AKAP12: variants seen among roughly 807,000 people sequenced by gnomAD.
The protein encoded by AKAP12 is A-kinase anchor protein 12.
Under a neutral mutation model 79.9 loss-of-function variants are expected in AKAP12, and 32 were observed. The ratio of observed to expected loss-of-function variants is 0.40; its 90% CI spans 0.30 to 0.54. The LOEUF is 0.54. AKAP12 is among the 20% of genes least tolerant of loss of function. The pLI, the probability that AKAP12 is intolerant of heterozygous loss-of-function variation, is 0.48. For missense variants in AKAP12, 2,074 were observed against 2,177.0 expected, an observed-to-expected ratio of 0.95 and a Z score of 0.94; for synonymous variants, 808 against 857.0, an observed-to-expected ratio of 0.94 and a Z score of 1.00.
intron 3 of AKAP12, chr6:151,324,090 G>T: frequency 1.0e-6 from 1 of 985,348 alleles, no homozygotes; most frequent in Non-Finnish European, 1.2e-6. Context: ...CCAGAAGGAT[G>T]GTCAGTACCA....
intron 2 of AKAP12, among the ~76,000 whole-genome samples, chr6:151,255,738 C>T (rs1000696941): frequency 3.9e-5 from 6 of 152,042 alleles, no homozygotes; most frequent in African/African-American, 9.7e-5. Flanking sequence ...TACAGTGAGT[C>T]GTGGTTGAAC....
intron 2 of AKAP12, among the ~76,000 whole-genome samples, chr6:151,301,811 C>T (rs1159127452): frequency 1.3e-5 from 2 of 152,076 alleles, no homozygotes; most frequent in Admixed American, 6.6e-5. Flanking sequence ...TGTCATAAAT[C>T]GTTTTCTACC....
At chr6:151,310,182 G>A (rs143454003) in intron 3 of AKAP12, among the ~76,000 whole-genome samples, 1 of 152,036 alleles carries the variant, frequency 6.6e-6, no homozygotes, top group Non-Finnish European at 1.5e-5. Context: ...GGCCAACATG[G>A]TGAAACCCCG....
intron 2 of AKAP12, among the ~76,000 whole-genome samples, chr6:151,253,680 G>C (rs572033193): frequency 6.6e-6 from 1 of 151,958 alleles, no homozygotes; most frequent in East Asian, 1.9e-4. Flanking sequence ...AGATTGCTAA[G>C]AATTAGCCAA....
intron 2 of AKAP12, among the ~76,000 whole-genome samples, chr6:151,281,051 G>C (rs1185500713): frequency 6.6e-6 from 1 of 152,132 alleles, no homozygotes; most frequent in South Asian, 2.1e-4. Flanking sequence ...CATTCTGCAG[G>C]AAGTGGCTGT....
At chr6:151,298,225 C>G (rs1392819800) in intron 2 of AKAP12, among the ~76,000 whole-genome samples, 1 of 152,168 alleles carries the variant, frequency 6.6e-6, no homozygotes, top group Admixed American at 6.5e-5. Flanking sequence ...CCTTTACCCG[C>G]TTTGTCCTGC....
At position 151,357,892 on chromosome 6, in the gene AKAP12, G is replaced by T. The variant is rs1778481856; in HGVS notation, c.*2178G>T. 1 of 152,024 alleles carries T rather than the reference G, an allele frequency of 6.6e-6. No homozygotes were observed. The highest frequency in any genetic ancestry group is 1.5e-5 in the Non-Finnish European group (1 of 68,002). The allele number at this position is 152,024 out of a possible 1,614,324, so 9.4% of individuals were successfully genotyped here. A position where few individuals can be genotyped will look rare whatever the true frequency, so the allele number is the denominator to read the frequency against. ...AACAGATTAAAGATTTGTGTAGTTT[G>T]TGGGAAATTGACGTTTTTGTTTAAA... On this transcript the variant is annotated 3_prime_UTR_variant, in exon 5 of 5. Transcript: ENST00000402676.
At chr6:151,272,493 TGATAGATA>T (rs76256853) in intron 2 of AKAP12, among the ~76,000 whole-genome samples, 4,831 of 144,336 alleles carry the variant, frequency 0.033, 105 homozygotes, top group African/African-American at 0.057. Flanking sequence ...TTTCATGAGA[TGATAGATA>T]GATAGATAGA....
At chr6:151,264,670 CA>C (rs11300375) in intron 2 of AKAP12, among the ~76,000 whole-genome samples, 36,735 of 95,832 alleles carry the variant, frequency 0.38, 6,835 homozygotes, top group African/African-American at 0.62. Context: ...GACTTCATCT[CA>C]AAAAAAAAAA....
At chr6:151,252,736 A>G (rs1051273752) in intron 2 of AKAP12, among the ~76,000 whole-genome samples, 3 of 149,630 alleles carry the variant, frequency 2.0e-5, no homozygotes, top group Non-Finnish European at 3.0e-5. Flanking sequence ...CTCTGGGAAA[A>G]AAAAAAAAAA....
intron 3 of AKAP12, 31 bp from the exon 4 acceptor site, chr6:151,348,680 T>TCTCCCCCCC: frequency 2.8e-6 from 1 of 355,200 alleles, no homozygotes; most frequent in African/African-American, 2.4e-5. Context: ...TTTTCTCTTC[T>TCTCCCCCCC]CCCCACCCCC....
At chr6:151,345,930 T>TGAGAGAGAGAGAGA (rs1419080142) in intron 3 of AKAP12, among the ~76,000 whole-genome samples, 17 of 108,818 alleles carry the variant, frequency 1.6e-4, no homozygotes, top group African/African-American at 5.4e-4. Flanking sequence ...TGTGTGTGTG[T>TGAGAGAGAGAGAGA]GTGAGAGAGA....
rs140512443 is a variant in AKAP12 at position 151,340,943 on chromosome 6, C to A, written c.320-7768C>A. Among the ~76,000 whole-genome samples the A allele has an allele frequency of 9.8e-5, 15 of 152,308 alleles. No individual in the cohort carries two copies. In the East Asian group the frequency reaches 2.9e-3, roughly 29 times the overall value. ...CTTCTGAGTGCCTCACATCAGGAAG[C>A]GCGATGACATCTGTTCCATTATCGA... On this transcript the variant is annotated intron_variant, in intron 3 of 4. Coordinates refer to ENST00000402676, the MANE Select transcript of AKAP12 (RefSeq NM_005100.4).
intron 2 of AKAP12, among the ~76,000 whole-genome samples, chr6:151,247,679 A>G (rs1188460689): frequency 6.6e-6 from 1 of 152,212 alleles, no homozygotes; most frequent in African/African-American, 2.4e-5. Flanking sequence ...GATCCGTGAA[A>G]TGTTGAGATC....
chr6:151,257,978 G>A (rs1327046115), intron 2 of AKAP12, among the ~76,000 whole-genome samples: 1 of 152,054 alleles, frequency 6.6e-6, no homozygotes, highest in African/African-American at 2.4e-5. Context: ...TTATTTTTTG[G>A]TCTCCAGTAA....
At chr6:151,312,717 G>A (rs1005677862) in intron 3 of AKAP12, among the ~76,000 whole-genome samples, 5 of 150,526 alleles carry the variant, frequency 3.3e-5, no homozygotes, top group East Asian at 2.0e-4. Flanking sequence ...GCTTGAATCC[G>A]GGAGCTGGAG....
intron 3 of AKAP12, among the ~76,000 whole-genome samples, chr6:151,315,824 GAAGGGGAAGCAAACACA>G (rs71751886): frequency 0.036 from 5,534 of 152,246 alleles, 117 homozygotes; most frequent in African/African-American, 0.058. Context: ...AATAATGGCG[GAAGGGGAAGCAAACACA>G]TCCTTCTTCA....
At position 151,335,882 on chromosome 6, in the gene AKAP12, A is replaced by G. The variant is rs567618817; in HGVS notation, c.320-12829A>G. Among the ~76,000 whole-genome samples the G allele has an allele frequency of 4.7e-4, 71 of 152,298 alleles. 1 individual carries two copies. The highest frequency in any genetic ancestry group is 1.7e-3 in the African/African-American group (69 of 41,546). On this transcript the variant is annotated intron_variant, in intron 3 of 4. Transcript: ENST00000402676. ...TGTACCCGTCACCGGAGTGGTGAAC[A>G]TTGTACTCAATACTATTTTTCAACT...
At chr6:151,240,989 A>G (rs1406554345) in intron 2 of AKAP12, among the ~76,000 whole-genome samples, 2 of 151,700 alleles carry the variant, frequency 1.3e-5, no homozygotes, top group Admixed American at 1.3e-4. Flanking sequence ...CGCAATAATA[A>G]AACCCGCGCC....
Sources: allele counts gnomAD v4.1 joint callset (sites outside exome capture counted in the v4.1 genomes callset), GRCh38; gene constraint gnomAD v4.1.1; transcripts MANE v1.5; gene names NCBI Gene and HGNC (gene_info 2026-07-23, HGNC 2026-07-21).